Variants in ACTN4 observed in about 807,000 individuals in gnomAD.
ACTN4 encodes alpha-actinin-4.
A neutral mutation model predicts 114.2 loss-of-function variants in ACTN4; 18 were observed. The ratio of observed to expected loss-of-function variants is 0.16; its 90% CI spans 0.11 to 0.23. ACTN4 has a LOEUF of 0.23. Among genes scored for constraint, ACTN4 ranks in the 10% least tolerant of loss-of-function variants. ACTN4 has a pLI of 1.00. For missense variants in ACTN4, 722 were observed against 1,262.9 expected, an observed-to-expected ratio of 0.57 and a Z score of 6.49; for synonymous variants, 515 against 506.3, an observed-to-expected ratio of 1.02 and a Z score of -0.23.
chr19:38,701,344 A>G (rs1374390496), intron 3 of ACTN4, among the ~76,000 whole-genome samples: 2 of 152,072 alleles, frequency 1.3e-5, no homozygotes, highest in Non-Finnish European at 2.9e-5. Context: ...GCGCAGTCCA[A>G]ATCTAGGAAG....
At chr19:38,649,273 G>T (rs1342075105) in intron 1 of ACTN4, among the ~76,000 whole-genome samples, 1 of 108,036 alleles carries the variant, frequency 9.3e-6, no homozygotes, top group Non-Finnish European at 1.9e-5. Flanking sequence ...CAGTGTCTGT[G>T]GGGGGGGGAT....
chr19:38,684,011 A>C (rs1051810095), intron 1 of ACTN4: 2 of 152,478 alleles, frequency 1.3e-5, no homozygotes, highest in Non-Finnish European at 2.9e-5. Context: ...CACAGGGCCT[A>C]ACAGAGCAAA....
intron 12 of ACTN4, chr19:38,721,989 G>T (rs557439807): frequency 2.1e-6 from 1 of 466,754 alleles, no homozygotes; most frequent in African/African-American, 2.0e-5. Context: ...ACCTCTCCTG[G>T]CCACCCCAAG....
At chr19:38,700,918 A>G (rs1045373230) in intron 2 of ACTN4, 84 bp from the exon 3 acceptor site, 62 of 1,563,238 alleles carry the variant, frequency 4.0e-5, no homozygotes, top group Admixed American at 9.0e-5. Context: ...AACAGAGGAG[A>G]CTCTAAAGCC....
At chr19:38,654,778 T>C (rs1442762605) in intron 1 of ACTN4, among the ~76,000 whole-genome samples, 3 of 152,146 alleles carry the variant, frequency 2.0e-5, no homozygotes, top group Middle Eastern at 3.2e-3. Flanking sequence ...AAGAGAGGCA[T>C]TAACTTGGAA....
chr19:38,721,772 G>A (rs755729762), intron 12 of ACTN4, 84 bp downstream of exon 12: 1 of 1,582,098 alleles, frequency 6.3e-7, no homozygotes, highest in Non-Finnish European at 8.6e-7. Flanking sequence ...CCGAGGCCCA[G>A]CCTGCCTCAA....
At chr19:38,662,177 T>C (rs1175459342) in intron 1 of ACTN4, among the ~76,000 whole-genome samples, 3 of 152,198 alleles carry the variant, frequency 2.0e-5, no homozygotes, top group East Asian at 3.8e-4. Context: ...GTAGGTTTCA[T>C]TGGACCCACA....
chr19:38,667,318 G>A (rs944151743), intron 1 of ACTN4, among the ~76,000 whole-genome samples: 1 of 152,160 alleles, frequency 6.6e-6, no homozygotes, highest in South Asian at 2.1e-4. Context: ...GAGGAGAGTT[G>A]GTGGGATTAA....
At chr19:38,659,073 T>G (rs1178956589) in intron 1 of ACTN4, among the ~76,000 whole-genome samples, 2 of 143,746 alleles carry the variant, frequency 1.4e-5, no homozygotes, top group Admixed American at 1.4e-4. Context: ...TTCTTTTTTT[T>G]TTTTTGAGAC....
rs146592357 is a variant in ACTN4, at chr19:38,689,537, G to A, written c.163-11063G>A. Among the ~76,000 whole-genome samples, 45 of 152,154 alleles carry A rather than the reference G, an allele frequency of 3.0e-4. No homozygotes were observed. The East Asian group carries it at 6.8e-3, about 23-fold the overall frequency. The stretch of plus-strand genomic sequence containing the variant: ...TGTTTTGAGATAAGGTCTCACTGTC[G>A]CCCAGGCTAGAGTGCAGTGGCGCTG... On this transcript the variant is annotated intron_variant, in intron 1 of 20. Coordinates refer to ENST00000252699, the MANE Select transcript of ACTN4 (RefSeq NM_004924.6).
intron 16 of ACTN4, 53 bp from the exon 17 acceptor site, chr19:38,725,671 C>T (rs1384224695): frequency 1.3e-6 from 2 of 1,590,636 alleles, no homozygotes; most frequent in Non-Finnish European, 8.6e-7. Flanking sequence ...TCCAGGTGGT[C>T]AGTGGGGGCA....
intron 1 of ACTN4, among the ~76,000 whole-genome samples, chr19:38,674,179 A>G (rs1034623779): frequency 6.6e-6 from 1 of 152,138 alleles, no homozygotes; most frequent in African/African-American, 2.4e-5. Context: ...ACTTTCCAAG[A>G]TGATGACAGT....
chr19:38,726,878 TCA>T (rs1969249740), intron 17 of ACTN4, 77 bp from the exon 18 acceptor site: 1 of 1,593,840 alleles, frequency 6.3e-7, no homozygotes, highest in Non-Finnish European at 8.5e-7. Flanking sequence ...GGAGGACAGT[TCA>T]CAGTCCTCCA....
Position 38,727,678 on chromosome 19 carries a change from C to T in ACTN4, c.2338-268C>T, listed in dbSNP as rs1482636895. Among the ~76,000 whole-genome samples the T allele has an allele frequency of 2.0e-5, 3 of 148,640 alleles. No individual in the cohort carries two copies. Among genetic ancestry groups the T allele is most frequent in the Non-Finnish European group, 3.0e-5 (2 of 67,200 alleles). On this transcript the variant is annotated intron_variant, in intron 18 of 20. Transcript: ENST00000252699. This position sits in a 1 kb window ranked among gnomAD's most constrained non-coding sequence, Gnocchi z 5.4. ...CTGGGACTTGTCCTCAGTTCTGTAG[C>T]ATCCAGCTGCCACCCCTGCTGTGGG... is the stretch of plus-strand genomic sequence containing the variant.
intron 1 of ACTN4, among the ~76,000 whole-genome samples, chr19:38,657,737 C>T (rs1163215775): frequency 2.6e-5 from 4 of 152,028 alleles, no homozygotes; most frequent in Non-Finnish European, 5.9e-5. Context: ...GCAGGTGGTT[C>T]GGCATCTGGA....
intron 1 of ACTN4, among the ~76,000 whole-genome samples, chr19:38,691,719 A>G (rs1967937309): frequency 1.3e-5 from 2 of 152,184 alleles, no homozygotes; most frequent in South Asian, 2.1e-4. Context: ...CCTGGCCAAC[A>G]TGGCAGAAAC....
intron 1 of ACTN4, among the ~76,000 whole-genome samples, chr19:38,691,042 G>A (rs1209390017): frequency 1.3e-5 from 2 of 152,184 alleles, no homozygotes; most frequent in Non-Finnish European, 1.5e-5. Context: ...CCTCTGGGGA[G>A]CTTATGCTGC....
intron 1 of ACTN4, among the ~76,000 whole-genome samples, chr19:38,674,281 T>TA (rs1313846552): frequency 6.6e-6 from 1 of 151,626 alleles, no homozygotes; most frequent in South Asian, 2.1e-4. Flanking sequence ...AAGAGAGAAA[T>TA]AAAATGAGAC....
intron 1 of ACTN4, among the ~76,000 whole-genome samples, chr19:38,688,390 C>CAAAAAAA (rs35793948): frequency 1.2e-5 from 1 of 81,114 alleles, no homozygotes; most frequent in Non-Finnish European, 2.2e-5. Flanking sequence ...TTGTCTCTAC[C>CAAAAAAA]AAAAAAAAAA....
Sources: allele counts gnomAD v4.1 joint callset (sites outside exome capture counted in the v4.1 genomes callset), GRCh38; gene constraint gnomAD v4.1.1; non-coding constraint Gnocchi (gnomAD v3.1); transcripts MANE v1.5; gene names NCBI Gene and HGNC (gene_info 2026-07-23, HGNC 2026-07-21).